TMED3: variants seen among roughly 807,000 people sequenced by gnomAD.
TMED3 encodes transmembrane emp24 domain-containing protein 3.
In TMED3, 9 loss-of-function variants were observed where a neutral mutation model predicts 15.0. The observed-to-expected ratio is 0.60, with a 90% CI of 0.36 to 1.04. The LOEUF is 1.04. Ranked by LOEUF, TMED3 falls within the 50% of genes least tolerant of loss-of-function variation. The pLI is 0.01. For synonymous variants in TMED3, 117 were observed against 121.4 expected, an observed-to-expected ratio of 0.96 and a Z score of 0.24; for missense variants, 267 against 278.9, an observed-to-expected ratio of 0.96 and a Z score of 0.30.
downstream of TMED3, among the ~76,000 whole-genome samples, chr15:79,325,436 TG>T (rs143400983): frequency 0.17 from 25,836 of 152,104 alleles, 2,248 homozygotes; most frequent in Admixed American, 0.24. Flanking sequence ...ATGACTTTAG[TG>T]GGGAGGTGAT....
At chr15:79,380,579 TTTTATATATA>T (rs1567036666) in intron 2 of TMED3, among the ~76,000 whole-genome samples, 1 of 136,486 alleles carries the variant, frequency 7.3e-6, no homozygotes, top group Admixed American at 7.1e-5. Context: ...ATATATATAG[TTTTATATATA>T]TATATATATA....
intron 2 of TMED3, among the ~76,000 whole-genome samples, chr15:79,330,914 A>T (rs12912280): frequency 0.39 from 59,155 of 152,084 alleles, 11,799 homozygotes; most frequent in Middle Eastern, 0.48. Context: ...TCTCACATTG[A>T]TACAAATAAA....
chr15:79,311,516 A>T, intron 1 of TMED3, 99 bp downstream of exon 1: 1 of 1,405,630 alleles, frequency 7.1e-7, no homozygotes. Flanking sequence ...AATTAGCCAC[A>T]GGCTACAGGG....
At position 79,322,171 on chromosome 15, in the gene TMED3, T is replaced by G; in HGVS notation, c.611T>G (p.Phe204Cys). Residue 204 changes from phenylalanine to cysteine, a missense_variant, in exon 3 of 3, where the codon TTC becomes TGC. Around this residue, in one of 3 missense-constraint regions of TMED3, gnomAD observed 139 missense variants for 125.0 expected, o/e 1.11. Transcript: ENST00000299705. ...SFSQVLLLKS[F>C]FTEKRPISRA... ...AGTCAGGTGCTACTGTTGAAAAGCT[T>G]CTTCACAGAAAAACGACCCATCAGC... 2 of 1,614,214 alleles carry G rather than the reference T, an allele frequency of 1.2e-6. No individual in the cohort carries two copies. The highest frequency in any genetic ancestry group is 1.7e-6 in the Non-Finnish European group (2 of 1,180,042).
intron 2 of TMED3, among the ~76,000 whole-genome samples, chr15:79,376,007 C>T (rs1893417881): frequency 6.6e-6 from 1 of 151,526 alleles, no homozygotes; most frequent in Non-Finnish European, 1.5e-5. Flanking sequence ...TAGCGATTTA[C>T]TCTTCTACTA....
Position 79,322,124 on chromosome 15 carries a change from T to C in TMED3, c.564T>C (p.Ile188=), listed in dbSNP as rs372527858. 3 of 1,614,054 alleles carry C rather than the reference T, an allele frequency of 1.9e-6. No individual in the cohort carries two copies. Among genetic ancestry groups the C allele is most frequent in the Non-Finnish European group, 2.5e-6 (3 of 1,180,040 alleles). Residue 188 remains isoleucine (I), a synonymous_variant, in exon 3 of 3, where the codon ATT becomes ATC. Coordinates refer to ENST00000299705, the MANE Select transcript of TMED3 (RefSeq NM_007364.4). ...RVSYWSVGET[I]ALFVVSFSQV... Reference sequence around the variant, plus strand: ...CTTACTGGTCTGTTGGCGAGACGATTGCCCTGTTCGTGGTCAGCTTCAGTC... The same window carrying C: ...CTTACTGGTCTGTTGGCGAGACGATCGCCCTGTTCGTGGTCAGCTTCAGTC...
chr15:79,320,530 TAGTTTA>T (rs1339037213), intron 2 of TMED3, among the ~76,000 whole-genome samples: 1 of 152,174 alleles, frequency 6.6e-6, no homozygotes, highest in Non-Finnish European at 1.5e-5. Flanking sequence ...TGGTCTTTTC[TAGTTTA>T]TTGTACTGTA....
chr15:79,400,909 T>A (rs973459187), intron 2 of TMED3, among the ~76,000 whole-genome samples: 1 of 152,210 alleles, frequency 6.6e-6, no homozygotes, highest in African/African-American at 2.4e-5. Flanking sequence ...TTGCCTTCAC[T>A]CTTTAAGCTG....
At chr15:79,345,511 G>T (rs2058867413) in intron 2 of TMED3, among the ~76,000 whole-genome samples, 1 of 152,138 alleles carries the variant, frequency 6.6e-6, no homozygotes, top group Admixed American at 6.5e-5. Context: ...GTATTCCATG[G>T]TTTATATGTA....
At chr15:79,388,400 A>G (rs1893654198) in intron 2 of TMED3, among the ~76,000 whole-genome samples, 1 of 151,418 alleles carries the variant, frequency 6.6e-6, no homozygotes, top group African/African-American at 2.4e-5. Context: ...TTCTCCCTTA[A>G]TCTGTTGACA....
At chr15:79,327,589 G>A (rs184060397), downstream of TMED3, among the ~76,000 whole-genome samples, 40 of 152,302 alleles carry the variant, frequency 2.6e-4, no homozygotes, top group African/African-American at 8.2e-4. Flanking sequence ...TCCTGTATGC[G>A]AATGTGCCTA....
intron 2 of TMED3, among the ~76,000 whole-genome samples, chr15:79,368,699 C>T (rs1478348599): frequency 6.6e-6 from 1 of 152,134 alleles, no homozygotes; most frequent in African/African-American, 2.4e-5. Flanking sequence ...TGAGCACCTC[C>T]ATTTTTTTAA....
intron 2 of TMED3, among the ~76,000 whole-genome samples, chr15:79,355,275 C>T (rs2058914394): frequency 6.6e-6 from 1 of 152,168 alleles, no homozygotes; most frequent in Non-Finnish European, 1.5e-5. Context: ...ACATAGCTCA[C>T]TTGTATGATC....
chr15:79,322,395 C>G lies in TMED3; in HGVS notation c.*181C>G. 1 of 1,432,658 alleles carries G rather than the reference C, an allele frequency of 7.0e-7. No homozygotes were observed. The allele number at this position is 1,432,658 out of a possible 1,614,324, so 88.7% of individuals were successfully genotyped here. A position where few individuals can be genotyped will look rare whatever the true frequency, so the allele number is the denominator to read the frequency against. On this transcript the variant is annotated 3_prime_UTR_variant, in exon 3 of 3. Transcript: ENST00000299705. ...CTCAGCAGCTGAAGGTCTCAGAGAC[C>G]AGTAATCAGAAGGCATCCGACTGCA...
chr15:79,405,752 A>G (rs541852997), intron 2 of TMED3, among the ~76,000 whole-genome samples: 2 of 152,274 alleles, frequency 1.3e-5, no homozygotes, highest in African/African-American at 2.4e-5. Flanking sequence ...GATGTCATTC[A>G]TATAGTGGGC....
At chr15:79,382,559 C>T (rs1459087292) in intron 2 of TMED3, among the ~76,000 whole-genome samples, 2 of 152,224 alleles carry the variant, frequency 1.3e-5, no homozygotes, top group East Asian at 3.8e-4. Flanking sequence ...CAGCACCTAT[C>T]CCACAGTGGC....
intron 2 of TMED3, among the ~76,000 whole-genome samples, chr15:79,395,217 T>C (rs1459394711): frequency 2.0e-5 from 3 of 152,256 alleles, no homozygotes; most frequent in Non-Finnish European, 2.9e-5. Flanking sequence ...TCCACTCTTG[T>C]TGCCCAGGCT....
intron 2 of TMED3, among the ~76,000 whole-genome samples, chr15:79,367,396 G>A (rs1282223632): frequency 1.3e-5 from 2 of 152,200 alleles, no homozygotes; most frequent in African/African-American, 4.8e-5. Context: ...AGGGCACAAA[G>A]CAAGGAAGAT....
At chr15:79,371,216 G>C (rs1480345697) in intron 2 of TMED3, among the ~76,000 whole-genome samples, 1 of 152,086 alleles carries the variant, frequency 6.6e-6, no homozygotes, top group East Asian at 1.9e-4. Flanking sequence ...TTAAAATTGA[G>C]GTCCCTAAGT....
Sources: allele counts gnomAD v4.1 joint callset (sites outside exome capture counted in the v4.1 genomes callset), GRCh38; gene constraint gnomAD v4.1.1; regional missense constraint gnomAD v4.1.1; transcripts MANE v1.5; gene names NCBI Gene and HGNC (gene_info 2026-07-23, HGNC 2026-07-21).